The following CCL13 variants were observed in gnomAD, a reference collection of about 807,000 sequenced individuals.
The protein encoded by CCL13 is C-C motif chemokine 13.
Under a neutral mutation model 6.6 loss-of-function variants are expected in CCL13, and 5 were observed. That is an observed-to-expected ratio of 0.76 (90% CI 0.40 to 1.60). The LOEUF (loss-of-function observed/expected upper bound fraction) is 1.60. Among genes scored for constraint, CCL13 ranks in the 40% most tolerant of loss-of-function variants. The probability of loss-of-function intolerance (pLI) is 0.02; values close to 1 mark genes in which losing one functional copy is unlikely to be tolerated. For synonymous variants in CCL13, 39 were observed against 43.0 expected, an observed-to-expected ratio of 0.91 and a Z score of 0.37; for missense variants, 117 against 114.2, an observed-to-expected ratio of 1.02 and a Z score of -0.11.
At chr17:34,357,067 T>G (rs1242910756) in intron 1 of CCL13, among the ~76,000 whole-genome samples, 1 of 152,210 alleles carries the variant, frequency 6.6e-6, no homozygotes, top group Non-Finnish European at 1.5e-5. Context: ...GAAGCCCATG[T>G]TGGAGGCAGA....
intron 2 of CCL13, 114 bp from the exon 3 acceptor site, chr17:34,357,912 G>T (rs555049655): frequency 1.5e-6 from 1 of 677,898 alleles, no homozygotes. Flanking sequence ...TCCTGGAGGG[G>T]TGCCCCTTCA....
rs757885510 is a variant in CCL13 at position 34,358,110 on chromosome 17, A to C, written c.276A>C (p.Lys92Asn). ...VQNYMKHLGR[K>N]AHTLKT ...ATTATATGAAACACCTGGGCCGGAA[A>C]GCTCACACCCTGAAGACTTGAACTC... The change falls in exon 3 of 3, where the codon AAA (lysine) becomes AAC (asparagine). Residue 92 changes from lysine to asparagine, a missense_variant. Physicochemically the swap from Lys to Asn is moderately conservative, Grantham distance 94. Transcript: ENST00000225844. The C allele has an allele frequency of 1.2e-6, 2 of 1,613,706 alleles. No individual in the cohort carries two copies. The highest frequency in any genetic ancestry group is 1.3e-5 in the African/African-American group (1 of 74,928).
At chr17:34,356,970 C>T (rs1164427186) in intron 1 of CCL13, among the ~76,000 whole-genome samples, 3 of 152,170 alleles carry the variant, frequency 2.0e-5, no homozygotes, top group Non-Finnish European at 4.4e-5. Flanking sequence ...CCACCAGGCC[C>T]AGCCAAGTGC....
chr17:34,357,655 G>GC, intron 2 of CCL13, 66 bp downstream of exon 2: 1 of 958,836 alleles, frequency 1.0e-6, no homozygotes, highest in Non-Finnish European at 1.7e-6. Context: ...CCAAAGTTCT[G>GC]CCCCAGGAGA....
Position 34,358,037 on chromosome 17 carries a change from A to C in CCL13, c.203A>C (p.Lys68Thr), listed in dbSNP as rs759975138. 2 of 1,612,858 alleles carry C rather than the reference A, an allele frequency of 1.2e-6. No individual in the cohort carries two copies. Among genetic ancestry groups the C allele is most frequent in the Non-Finnish European group, 1.7e-6 (2 of 1,179,554 alleles). The change falls in exon 3 of 3, where the codon AAA (lysine) becomes ACA (threonine). Residue 68 changes from lysine to threonine, a missense_variant. Physicochemically the swap from Lys to Thr is moderately conservative, Grantham distance 78. Coordinates refer to ENST00000225844, the MANE Select transcript of CCL13 (RefSeq NM_005408.3). The stretch of plus-strand genomic sequence containing the variant: ...TCCTTCCTCCACAGCTTCAGAACCA[A>C]ACTGGGCAAGGAGATCTGTGCTGAC... ...CPQKAVIFRT[K>T]LGKEICADPK...
chr17:34,356,738 G>A (rs1043965437), intron 1 of CCL13, 136 bp downstream of exon 1: 6 of 587,806 alleles, frequency 1.0e-5, no homozygotes, highest in African/African-American at 5.7e-5. Context: ...GCAGGGGTGC[G>A]ATCTTGGCTC....
chr17:34,358,218 A>T lies in CCL13; in HGVS notation c.*87A>T, dbSNP rs1910405599. 2 of 850,578 alleles carry T rather than the reference A, an allele frequency of 2.4e-6. No homozygotes were observed. The highest frequency in any genetic ancestry group is 3.8e-6 in the Non-Finnish European group (2 of 519,482). The allele number at this position is 850,578 out of a possible 1,614,324, so 52.7% of individuals were successfully genotyped here. A position where few individuals can be genotyped will look rare whatever the true frequency, so the allele number is the denominator to read the frequency against. On this transcript the variant is annotated 3_prime_UTR_variant, in exon 3 of 3. Coordinates refer to ENST00000225844, the MANE Select transcript of CCL13 (RefSeq NM_005408.3). ...GGCCTCCTCTTCTATGCTTTGGAAT[A>T]CTTCTACCATAATTTTCAAATAGGA...
At position 34,356,601 on chromosome 17, in the gene CCL13, A is replaced by G. The variant is rs1314171917; in HGVS notation, c.75A>G (p.Pro25=). ...TCAACCCCCAGGGACTTGCTCAGCC[A>G]GGTAAGTCACCTCCCTTCGACTCTC... ...AAFNPQGLAQ[P]DALNVPSTCC... Residue 25 remains proline, a splice_region_variant and synonymous_variant, in exon 1 of 3, where the codon CCA becomes CCG. Transcript: ENST00000225844. 1.9e-6 allele frequency: 3 copies of G among 1,609,974 alleles called. No individual in the cohort carries two copies. The highest frequency in any genetic ancestry group is 1.7e-4 in the Middle Eastern group (1 of 6,012).
intron 1 of CCL13, among the ~76,000 whole-genome samples, chr17:34,356,854 T>C (rs1295710293): frequency 4.6e-5 from 7 of 152,286 alleles, no homozygotes; most frequent in Middle Eastern, 6.8e-3. Context: ...TTTGTATTTT[T>C]AGTAGAGAAG....
At chr17:34,356,710 T>C (rs1303875862) in intron 1 of CCL13, 108 bp downstream of exon 1, 2 of 743,476 alleles carry the variant, frequency 2.7e-6, no homozygotes, top group Non-Finnish European at 4.6e-6. Flanking sequence ...AGTCTCATTA[T>C]GTTGCCCAGG....
At position 34,356,663 on chromosome 17, in the gene CCL13, C is replaced by G. The variant is rs1910356757; in HGVS notation, c.76+61C>G. On this transcript the variant is annotated intron_variant, in intron 1 of 2. Transcript: ENST00000225844. ...CTCTGTTTCTCTATTCAAGGAAGAC[C>G]TAAGCCCGAGTGCTCCTCCACTTTT... 10 of 1,252,744 alleles carry G rather than the reference C, an allele frequency of 8.0e-6. No homozygotes were observed. The South Asian group carries it at 1.2e-4, about 16-fold the overall frequency. The allele number at this position is 1,252,744 out of a possible 1,614,324, so 77.6% of individuals were successfully genotyped here.
At chr17:34,357,998 A>G (rs1352823489) in intron 2 of CCL13, 28 bp from the exon 3 acceptor site, 1 of 1,532,074 alleles carries the variant, frequency 6.5e-7, no homozygotes. Flanking sequence ...GGTTCCATCT[A>G]ACTGTGCCAG....
chr17:34,356,516 T>C lies in CCL13; in HGVS notation c.-11T>C, dbSNP rs199632606. On this transcript the variant is annotated 5_prime_UTR_variant, in exon 1 of 3. Coordinates refer to ENST00000225844, the MANE Select transcript of CCL13 (RefSeq NM_005408.3). ...GAAACATTGTGAAATCTCCAACTCT[T>C]AACCTTCAACATGAAAGTCTCTGCA... 6 of 1,605,064 alleles carry C rather than the reference T, an allele frequency of 3.7e-6. No homozygotes were observed. The African/African-American group carries it at 6.7e-5, about 18-fold the overall frequency.
intron 1 of CCL13, among the ~76,000 whole-genome samples, chr17:34,356,887 C>CTCT (rs1910363957): frequency 6.6e-6 from 1 of 152,178 alleles, no homozygotes; most frequent in Non-Finnish European, 1.5e-5. Context: ...GTTGGCCAGG[C>CTCT]TGGTCTCAAA....
At position 34,358,506 on chromosome 17, in the gene CCL13, C is replaced by G. The variant is rs1333472377; in HGVS notation, c.*375C>G. ...ATGCTGCAATGTAGGAAGGAGAGCT[C>G]TTTGTGAATGTGAGGTGTTGCTAAA... On this transcript the variant is annotated 3_prime_UTR_variant, in exon 3 of 3. Transcript: ENST00000225844. 2.6e-5 allele frequency: 7 copies of G among 267,368 alleles called. No homozygotes were observed. The highest frequency in any genetic ancestry group is 1.2e-4 in the South Asian group (3 of 24,690). 16.6% of individuals were successfully genotyped at this position (267,368 alleles called of 1,614,324 possible). A position where few individuals can be genotyped will look rare whatever the true frequency, so the allele number is the denominator to read the frequency against.
intron 2 of CCL13, 26 bp from the exon 3 acceptor site, chr17:34,358,000 C>T (rs534656266): frequency 6.5e-7 from 1 of 1,545,556 alleles, no homozygotes; most frequent in Non-Finnish European, 8.9e-7. Flanking sequence ...TTCCATCTAA[C>T]TGTGCCAGAT....
rs1409486496 is a variant in CCL13 at position 34,358,075 on chromosome 17, T to TG, written c.244dup (p.Val82GlyfsTer33). ...GATCTGTGCTGACCCAAAGGAGAAG[T>TG]GGGTCCAGAATTATATGAAACACCT... On this transcript the variant is annotated frameshift_variant, in exon 3 of 3. Transcript: ENST00000225844. LOFTEE classifies it low-confidence loss of function (END_TRUNC). The TG allele has an allele frequency of 6.2e-7, 1 of 1,614,056 alleles. No individual in the cohort carries two copies.
intron 1 of CCL13, 62 bp from the exon 2 acceptor site, chr17:34,357,413 G>A: frequency 9.3e-7 from 1 of 1,080,780 alleles, no homozygotes; most frequent in Non-Finnish European, 1.4e-6. Flanking sequence ...GCTCCCTGCT[G>A]TATTCAAGCT....
Position 34,358,452 on chromosome 17 carries a change from A to G in CCL13, c.*321A>G, listed in dbSNP as rs182653739. ...TATTCGGTTCCCAGGGGTTGAGAGC[A>G]TGCCTGTGGGAGTCATGGACATGAA... On this transcript the variant is annotated 3_prime_UTR_variant, in exon 3 of 3. Coordinates refer to ENST00000225844, the MANE Select transcript of CCL13 (RefSeq NM_005408.3). The G allele has an allele frequency of 1.7e-5, 6 of 350,656 alleles. No individual in the cohort carries two copies. In the Admixed American group the frequency reaches 2.4e-4, roughly 14 times the overall value. The allele number at this position is 350,656 out of a possible 1,614,324, so 21.7% of individuals were successfully genotyped here.
Sources: allele counts gnomAD v4.1 joint callset (sites outside exome capture counted in the v4.1 genomes callset), GRCh38; gene constraint gnomAD v4.1.1; transcripts MANE v1.5; gene names NCBI Gene and HGNC (gene_info 2026-07-23, HGNC 2026-07-21).